MAML2: variants seen among roughly 807,000 people sequenced by gnomAD.
The protein encoded by MAML2 is mastermind-like protein 2.
Under a neutral mutation model 96.1 loss-of-function variants are expected in MAML2, and 22 were observed. The ratio of observed to expected loss-of-function variants is 0.23; its 90% CI spans 0.16 to 0.33. The LOEUF is 0.33. MAML2 is among the 10% of genes least tolerant of loss of function. The probability of loss-of-function intolerance (pLI) is 1.00; values close to 1 mark genes in which losing one functional copy is unlikely to be tolerated. For synonymous variants in MAML2, 561 were observed against 521.3 expected (o/e 1.08, Z -1.04); for missense variants, 1,367 against 1,392.4 (o/e 0.98, Z 0.29).
At chr11:96,225,875 C>T (rs142499518) in intron 1 of MAML2, among the ~76,000 whole-genome samples, 119 of 152,096 alleles carry the variant, frequency 7.8e-4, no homozygotes, top group African/African-American at 2.4e-3. Flanking sequence ...GTACAGAGAT[C>T]GTACGAGCAT....
intron 1 of MAML2, among the ~76,000 whole-genome samples, chr11:96,259,807 T>A (rs1369841589): frequency 2.0e-5 from 3 of 152,184 alleles, no homozygotes; most frequent in African/African-American, 7.2e-5. Flanking sequence ...TGTCAACTCT[T>A]CTTTTTCTGA....
chr11:96,041,975 A>ATT lies in MAML2; in HGVS notation c.2139+49915_2139+49916dup, dbSNP rs549945518. ...AGGCATATGCCACCACGCCCGGCTA[A>ATT]TTTTTTTTTTTTTTTTTTTGAGACA... On this transcript the variant is annotated intron_variant, in intron 2 of 4. Transcript: ENST00000524717. 3.9e-3 allele frequency among the ~76,000 whole-genome samples: 480 copies of ATT among 121,766 alleles called. 2 individuals are homozygous for ATT. The highest frequency in any genetic ancestry group is 0.011 in the African/African-American group (334 of 31,604). 79.9% of individuals were successfully genotyped at this position (121,766 alleles called of 152,430 possible).
intron 1 of MAML2, among the ~76,000 whole-genome samples, chr11:96,117,980 G>GA (rs1455413273): frequency 6.6e-6 from 1 of 152,116 alleles, no homozygotes; most frequent in Non-Finnish European, 1.5e-5. Flanking sequence ...TGATGAATAA[G>GA]AATTCATCAT....
At chr11:96,048,280 C>A (rs1177494250) in intron 2 of MAML2, among the ~76,000 whole-genome samples, 1 of 152,138 alleles carries the variant, frequency 6.6e-6, no homozygotes, top group Non-Finnish European at 1.5e-5. Context: ...ACAATGAAAT[C>A]TGGATCAAGA....
intron 2 of MAML2, among the ~76,000 whole-genome samples, chr11:96,009,704 G>A (rs1356537793): frequency 1.3e-5 from 2 of 152,160 alleles, no homozygotes; most frequent in African/African-American, 4.8e-5. Flanking sequence ...TTATTTACCT[G>A]TAAACATTTG....
At chr11:96,292,481 A>C (rs1388861586) in intron 1 of MAML2, among the ~76,000 whole-genome samples, 3 of 152,242 alleles carry the variant, frequency 2.0e-5, no homozygotes, top group African/African-American at 7.2e-5. Context: ...ACAGATGATG[A>C]AACTGAGGCC....
chr11:96,220,638 A>T (rs921795514), intron 1 of MAML2, among the ~76,000 whole-genome samples: 1 of 152,100 alleles, frequency 6.6e-6, no homozygotes, highest in African/African-American at 2.4e-5. Flanking sequence ...TTTTTTTGTC[A>T]TCCTTGGGTA....
At chr11:96,243,652 T>A (rs1273132328) in intron 1 of MAML2, among the ~76,000 whole-genome samples, 2 of 110,832 alleles carry the variant, frequency 1.8e-5, no homozygotes, top group Non-Finnish European at 4.1e-5. Flanking sequence ...CATCCTTCTT[T>A]TTCTTTTTTT....
intron 1 of MAML2, among the ~76,000 whole-genome samples, chr11:96,313,107 C>A (rs1212531153): frequency 1.3e-5 from 2 of 152,196 alleles, no homozygotes; most frequent in East Asian, 1.9e-4. Flanking sequence ...TCACAACCAT[C>A]TAATCGTCAT....
chr11:96,250,385 T>C (rs1447078069), intron 1 of MAML2, among the ~76,000 whole-genome samples: 1 of 152,170 alleles, frequency 6.6e-6, no homozygotes, highest in Non-Finnish European at 1.5e-5. Flanking sequence ...ATTTCAAACA[T>C]TTATCATTTA....
chr11:96,173,984 G>T (rs566966316), intron 1 of MAML2, among the ~76,000 whole-genome samples: 2 of 152,344 alleles, frequency 1.3e-5, no homozygotes, highest in South Asian at 4.1e-4. Context: ...GCTAACCACT[G>T]AGTGGAGTAA....
intron 1 of MAML2, among the ~76,000 whole-genome samples, chr11:96,142,944 T>C (rs558491012): frequency 6.6e-6 from 1 of 152,320 alleles, no homozygotes; most frequent in Non-Finnish European, 1.5e-5. Context: ...ATACTAGCTT[T>C]TGTGCAAAAA....
At chr11:96,215,449 A>C (rs984707062) in intron 1 of MAML2, among the ~76,000 whole-genome samples, 12 of 152,160 alleles carry the variant, frequency 7.9e-5, no homozygotes, top group Admixed American at 2.6e-4. Context: ...ATGTTTTTAA[A>C]AGTCTTTACT....
chr11:96,330,395 C>A (rs1483598215), intron 1 of MAML2, among the ~76,000 whole-genome samples: 1 of 152,144 alleles, frequency 6.6e-6, no homozygotes, highest in Non-Finnish European at 1.5e-5. Flanking sequence ...CTACTATTAT[C>A]CTGAAAAGCA....
intron 1 of MAML2, among the ~76,000 whole-genome samples, chr11:96,165,549 TA>T (rs996132229): frequency 6.6e-6 from 1 of 152,190 alleles, no homozygotes; most frequent in Non-Finnish European, 1.5e-5. Context: ...TCTGTTTTTT[TA>T]AAAAAATGGC....
chr11:96,148,315 A>G (rs532418801), intron 1 of MAML2, among the ~76,000 whole-genome samples: 1 of 152,292 alleles, frequency 6.6e-6, no homozygotes, highest in African/African-American at 2.4e-5. Context: ...GATAAAACAG[A>G]AGGTCTGATT....
chr11:96,261,426 G>C (rs548367028), intron 1 of MAML2, among the ~76,000 whole-genome samples: 10 of 152,244 alleles, frequency 6.6e-5, no homozygotes, highest in Admixed American at 2.0e-4. Flanking sequence ...AACAAACTAA[G>C]ACACTCCATC....
chr11:96,255,397 G>C (rs1161473257), intron 1 of MAML2, among the ~76,000 whole-genome samples: 1 of 152,206 alleles, frequency 6.6e-6, no homozygotes, highest in African/African-American at 2.4e-5. Flanking sequence ...GAGGAACTGG[G>C]AAGTTGAGTT....
intron 1 of MAML2, among the ~76,000 whole-genome samples, chr11:96,192,335 G>C (rs1205222894): frequency 1.3e-5 from 2 of 152,204 alleles, no homozygotes; most frequent in Non-Finnish European, 2.9e-5. Context: ...AGAATTCCCA[G>C]CTGTGATCCT....
Sources: gnomAD v4.1 joint callset for allele counts (sites outside exome capture counted in the v4.1 genomes callset) on GRCh38, gnomAD v4.1.1 for gene constraint, MANE v1.5 for transcripts, NCBI Gene and HGNC (gene_info 2026-07-23, HGNC 2026-07-21) for gene names.